NFIB: variants seen among roughly 807,000 people sequenced by gnomAD.
NFIB encodes the protein nuclear factor I B.
A neutral mutation model predicts 61.5 loss-of-function variants in NFIB; 11 were observed. The observed-to-expected ratio is 0.18, with a 90% CI of 0.11 to 0.30. NFIB has a LOEUF of 0.30. Among genes scored for constraint, NFIB ranks in the 10% least tolerant of loss-of-function variants. The pLI is 1.00. For synonymous variants in NFIB, 260 were observed against 216.5 expected (o/e 1.20, Z -1.76); for missense variants, 471 against 608.9 (o/e 0.77, Z 2.38).
chr9:14,175,442 A>C (rs886864288), intron 3 of NFIB, among the ~76,000 whole-genome samples: 1 of 152,158 alleles, frequency 6.6e-6, no homozygotes, highest in East Asian at 1.9e-4. Context: ...CCAAAGTGCT[A>C]GGATTACAGG....
chr9:14,355,086 G>A (rs1039532392), intron 1 of NFIB, among the ~76,000 whole-genome samples: 6 of 152,114 alleles, frequency 3.9e-5, no homozygotes, highest in African/African-American at 1.4e-4. Context: ...ACAGTGACTT[G>A]GAACACTGCA....
At chr9:14,381,026 A>G (rs572352995) in intron 1 of NFIB, among the ~76,000 whole-genome samples, 15 of 140,148 alleles carry the variant, frequency 1.1e-4, no homozygotes, top group African/African-American at 3.2e-4. Context: ...GTGAGCCGAG[A>G]TCGCGCCACT....
the NFIB span, among the ~76,000 whole-genome samples, chr9:14,459,458 T>G: frequency 1.3e-3 from 198 of 152,124 alleles, 1 homozygote; most frequent in African/African-American, 4.5e-3. Context: ...TAGGCATGGG[T>G]AAGGACTTCA....
intron 10 of NFIB, among the ~76,000 whole-genome samples, chr9:14,109,131 C>T (rs542099914): frequency 6.6e-6 from 1 of 152,048 alleles, no homozygotes; most frequent in East Asian, 1.9e-4. Context: ...TGAGGTAGAC[C>T]AGATAAGAAA....
At chr9:14,231,138 AT>A (rs1563926533) in intron 2 of NFIB, among the ~76,000 whole-genome samples, 19 of 90,106 alleles carry the variant, frequency 2.1e-4, no homozygotes, top group African/African-American at 4.2e-4. Flanking sequence ...AAAAAAAAAT[AT>A]ATATATATAT....
Position 14,084,837 on chromosome 9 carries a change from T to A in NFIB, c.*3472A>T, listed in dbSNP as rs1466197547. 4.4e-6 allele frequency: 1 copy of A among 227,372 alleles called. No homozygotes were observed. Among genetic ancestry groups the A allele is most frequent in the Non-Finnish European group, 8.7e-6 (1 of 115,468 alleles). 14.1% of individuals were successfully genotyped at this position (227,372 alleles called of 1,614,324 possible). On this transcript the variant is annotated 3_prime_UTR_variant, in exon 11 of 11. Transcript: ENST00000380953. ...TATAGTAGTACTTTTAATAGTTTTA[T>A]CTCAAAAAGGAAAGAAGAAAAAATT...
At chr9:14,389,298 G>A (rs2061592006) in intron 1 of NFIB, among the ~76,000 whole-genome samples, 2 of 151,910 alleles carry the variant, frequency 1.3e-5, no homozygotes, top group Non-Finnish European at 2.9e-5. Context: ...CATTTAAGTT[G>A]TTGTTCATCC....
intron 3 of NFIB, among the ~76,000 whole-genome samples, chr9:14,172,969 T>G (rs1563862655): frequency 6.6e-6 from 1 of 152,062 alleles, no homozygotes; most frequent in African/African-American, 2.4e-5. Context: ...GGGGTTTCAC[T>G]ATGTTGGCCA....
intron 2 of NFIB, among the ~76,000 whole-genome samples, chr9:14,258,434 G>A (rs2056435938): frequency 6.6e-6 from 1 of 152,198 alleles, no homozygotes; most frequent in Admixed American, 6.5e-5. Flanking sequence ...TGCTCTCCCA[G>A]CCAGAACTTC....
At chr9:14,393,760 A>G (rs1002417859) in intron 1 of NFIB, among the ~76,000 whole-genome samples, 68 of 152,224 alleles carry the variant, frequency 4.5e-4, no homozygotes, top group Non-Finnish European at 9.4e-4. Flanking sequence ...AAGAACTGAT[A>G]ATAAAACAAA....
chr9:14,322,336 T>C lies in NFIB; in HGVS notation c.109-14816A>G, dbSNP rs2060682047. 1.6e-5 allele frequency: 4 copies of C among 256,260 alleles called. No homozygotes were observed. In the East Asian group the frequency reaches 1.7e-4, roughly 11 times the overall value. The allele number at this position is 256,260 out of a possible 1,614,324, so 15.9% of individuals were successfully genotyped here. ...GCCCGCGTGTGCGTGTGTGCATGTA[T>C]GTGTGTGTGTGGTGGGTTTTATTGT... On this transcript the variant is annotated intron_variant, in intron 1 of 8. Coordinates refer to the NFIB transcript ENST00000380934.
At chr9:14,323,796 TA>T (rs142903945) in intron 1 of NFIB, among the ~76,000 whole-genome samples, 4 of 152,012 alleles carry the variant, frequency 2.6e-5, no homozygotes, top group Admixed American at 2.0e-4. Context: ...TATTTTTTTT[TA>T]AAAAAAGGCA....
intron 2 of NFIB, among the ~76,000 whole-genome samples, chr9:14,288,653 C>T (rs1048111177): frequency 2.0e-5 from 3 of 152,136 alleles, no homozygotes; most frequent in Non-Finnish European, 2.9e-5. Context: ...CAGAAAGCTC[C>T]GCAAATCTAA....
rs1233785562 is a variant in NFIB at position 14,273,500 on chromosome 9, TTC to T, written c.562+33487_562+33488del. Among the ~76,000 whole-genome samples the T allele has an allele frequency of 9.9e-5, 15 of 151,988 alleles. No homozygotes were observed. In the South Asian group the frequency reaches 2.3e-3, roughly 23 times the overall value. ...GACTGTGGAGTACCTGCCGGCAGAT[TTC>T]TGTCTCTGTTTCCCCAGACACATTG... On this transcript the variant is annotated intron_variant, in intron 2 of 10. Transcript: ENST00000380953.
chr9:14,277,158 A>G (rs1478373507), intron 2 of NFIB, among the ~76,000 whole-genome samples: 1 of 152,170 alleles, frequency 6.6e-6, no homozygotes, highest in African/African-American at 2.4e-5. Flanking sequence ...CTCATCTTTA[A>G]AATAAAAGAG....
At chr9:14,526,126 A>G in the NFIB span, among the ~76,000 whole-genome samples, 51 of 152,282 alleles carry the variant, frequency 3.3e-4, no homozygotes, top group East Asian at 9.1e-3. Flanking sequence ...CCCAGGATTC[A>G]GCCCTGTGCT....
intron 9 of NFIB, among the ~76,000 whole-genome samples, chr9:14,113,573 A>G (rs1037836737): frequency 6.6e-6 from 1 of 152,228 alleles, no homozygotes; most frequent in East Asian, 1.9e-4. Flanking sequence ...GTCTTTCTTA[A>G]AAGTTTTGCT....
intron 2 of NFIB, among the ~76,000 whole-genome samples, chr9:14,295,558 G>C (rs1205198378): frequency 6.6e-6 from 1 of 152,136 alleles, no homozygotes; most frequent in East Asian, 1.9e-4. Flanking sequence ...GTGAACCCGG[G>C]AGGCGGAGCT....
At chr9:14,337,685 A>G (rs894162629) in intron 1 of NFIB, among the ~76,000 whole-genome samples, 1 of 152,214 alleles carries the variant, frequency 6.6e-6, no homozygotes, top group Admixed American at 6.5e-5. Context: ...ACACGTTTCC[A>G]ACTTCCTAAA....
Sources: allele counts gnomAD v4.1 joint callset (sites outside exome capture counted in the v4.1 genomes callset), GRCh38; gene constraint gnomAD v4.1.1; transcripts MANE v1.5; gene names NCBI Gene and HGNC (gene_info 2026-07-23, HGNC 2026-07-21).